Variants in CEBPZOS observed in about 807,000 individuals in gnomAD.
CEBPZOS encodes the protein CEBPZ opposite strand.
In CEBPZOS, 10 loss-of-function variants were observed where a neutral mutation model predicts 4.8. That is an observed-to-expected ratio of 2.07 (90% CI 1.28 to 3.52). The LOEUF is 3.52. Among genes scored for constraint, CEBPZOS ranks in the 30% most tolerant of loss-of-function variants. The pLI is 0.00. For missense variants in CEBPZOS, 98 were observed against 43.6 expected (o/e 2.25, Z -3.51); for synonymous variants, 25 against 14.2 (o/e 1.77, Z -1.72).
rs1229827939 is a variant in CEBPZOS at position 37,199,702 on chromosome 2, A to C, written c.-1-2A>C. 1.4e-6 allele frequency: 1 copy of C among 716,346 alleles called. No homozygotes were observed. Among genetic ancestry groups the C allele is most frequent in the Admixed American group, 2.0e-5 (1 of 49,706 alleles). The allele number at this position is 716,346 out of a possible 1,614,324, so 44.4% of individuals were successfully genotyped here. On this transcript the variant is annotated splice_acceptor_variant, in intron 1 of 4. Transcript: ENST00000402297. LOFTEE classifies it low-confidence loss of function (5UTR_SPLICE). Reference sequence around the variant, plus strand: ...TTTACACATATCTGTTGTTAAATTTAGGATGGCCCGTACTTTGGAACCACT... The same window carrying C: ...TTTACACATATCTGTTGTTAAATTTCGGATGGCCCGTACTTTGGAACCACT...
chr2:37,202,582 T>C lies in CEBPZOS; in HGVS notation c.*722T>C, dbSNP rs367610537. On this transcript the variant is annotated 3_prime_UTR_variant, in exon 5 of 5. Transcript: ENST00000402297. ...ATTACTTGAACATGGGAGATGGAGGTTGCAGTGAGCCAAGATCATGCCACT... is the reference window on the plus strand; with the variant it reads ...ATTACTTGAACATGGGAGATGGAGGCTGCAGTGAGCCAAGATCATGCCACT... The C allele has an allele frequency of 2.9e-4, 110 of 385,116 alleles. 2 individuals carry two copies. In the East Asian group the frequency reaches 4.1e-3, roughly 14 times the overall value. 23.9% of individuals were successfully genotyped at this position (385,116 alleles called of 1,614,324 possible). A position where few individuals can be genotyped will look rare whatever the true frequency, so the allele number is the denominator to read the frequency against.
downstream of CEBPZOS, among the ~76,000 whole-genome samples, chr2:37,208,704 T>C (rs1330996133): frequency 2.0e-5 from 3 of 152,028 alleles, no homozygotes; most frequent in Non-Finnish European, 4.4e-5. Flanking sequence ...CAGGGAAAAG[T>C]TGAAAGCATT....
Position 37,203,098 on chromosome 2 carries a change from T to C in CEBPZOS, c.*1238T>C, listed in dbSNP as rs924608763. 9 of 862,936 alleles carry C rather than the reference T, an allele frequency of 1.0e-5. No homozygotes were observed. The highest frequency in any genetic ancestry group is 1.6e-5 in the Non-Finnish European group (9 of 579,522). The allele number at this position is 862,936 out of a possible 1,614,324, so 53.5% of individuals were successfully genotyped here. Reference sequence around the variant, plus strand: ...CAACATGATTTTATTTTAAAAATTATACTTGGGTAAAAACAATTGCAATAA... The same window carrying C: ...CAACATGATTTTATTTTAAAAATTACACTTGGGTAAAAACAATTGCAATAA... On this transcript the variant is annotated 3_prime_UTR_variant, in exon 5 of 5. Transcript: ENST00000402297.
chr2:37,198,713 G>A (rs565371589), intron 1 of CEBPZOS: 4 of 152,164 alleles, frequency 2.6e-5, no homozygotes, highest in Non-Finnish European at 4.4e-5. Context: ...TCTTTAATTT[G>A]AAAAAGAATA....
chr2:37,209,322 A>G (rs1184500564), downstream of CEBPZOS: 1 of 152,218 alleles, frequency 6.6e-6, no homozygotes, highest in African/African-American at 2.4e-5. Context: ...ACAAAATAAG[A>G]GCCTGCATAG....
At position 37,209,980 on chromosome 2, in the gene CEBPZOS, C is replaced by A. The variant is rs538082001; in HGVS notation, c.*3-3457C>A. ...AAAGTGTGTTAAGGATATGAACAGA[C>A]AATTCTCAAAAGATATACAAATGGT... On this transcript the variant is annotated intron_variant, in intron 4 of 4. Transcript: ENST00000397064. The A allele has an allele frequency of 2.0e-5, 3 of 152,174 alleles. No individual in the cohort carries two copies. In the East Asian group the frequency reaches 5.8e-4, roughly 29 times the overall value. 9.4% of individuals were successfully genotyped at this position (152,174 alleles called of 1,614,324 possible). A position where few individuals can be genotyped will look rare whatever the true frequency, so the allele number is the denominator to read the frequency against.
downstream of CEBPZOS, among the ~76,000 whole-genome samples, chr2:37,205,847 TAATACTTTTA>T (rs1382697833): frequency 6.6e-6 from 1 of 152,182 alleles, no homozygotes; most frequent in Non-Finnish European, 1.5e-5. Flanking sequence ...TCTTGTAAGA[TAATACTTTTA>T]AAAATGTTAA....
downstream of CEBPZOS, among the ~76,000 whole-genome samples, chr2:37,207,215 A>T (rs370724325): frequency 5.3e-5 from 8 of 152,362 alleles, no homozygotes; most frequent in East Asian, 3.9e-4. Context: ...GGTGACTTCA[A>T]TACTCCACTG....
downstream of CEBPZOS, chr2:37,215,654 TACA>T (rs1226773489): frequency 2.6e-5 from 4 of 153,450 alleles, no homozygotes; most frequent in African/African-American, 7.2e-5. Flanking sequence ...CTGCTTTGAA[TACA>T]ACAACAGACT....
At chr2:37,196,729 TGCC>T (rs1276883951) in intron 1 of CEBPZOS, 2 of 149,730 alleles carry the variant, frequency 1.3e-5, no homozygotes, top group East Asian at 3.9e-4. Flanking sequence ...GCTCCGTGCG[TGCC>T]CGCGCGTGTC....
At chr2:37,209,478 G>A (rs943516793), downstream of CEBPZOS, 2 of 152,156 alleles carry the variant, frequency 1.3e-5, no homozygotes, top group African/African-American at 4.8e-5. Flanking sequence ...AGAGAACCCA[G>A]AAATAAAGCC....
At chr2:37,201,783 GTTT>G (rs148813970) in intron 4 of CEBPZOS, 57 bp downstream of exon 4, 69,149 of 1,485,222 alleles carry the variant, frequency 0.047, 1,794 homozygotes, top group Non-Finnish European at 0.053. Flanking sequence ...TTGTTTTTTA[GTTT>G]TTTGAGTGGT....
intron 4 of CEBPZOS, chr2:37,212,618 G>A (rs571869649): frequency 1.7e-4 from 90 of 531,342 alleles, no homozygotes; most frequent in East Asian, 9.4e-4. Context: ...AGTTAATTTC[G>A]GCTCTTTCTA....
rs1449542285 is a variant in CEBPZOS at position 37,201,496 on chromosome 2, C to T, written c.161-146C>T. On this transcript the variant is annotated intron_variant, in intron 3 of 4. Transcript: ENST00000402297. ...ATTACAATGATCAGAGATGCCAGGA[C>T]TTATATGTGAAGTCTGTAATCCTAC... is the stretch of plus-strand genomic sequence containing the variant. 1.5e-5 allele frequency: 9 copies of T among 590,004 alleles called. No homozygotes were observed. The East Asian group carries it at 1.7e-4, about 11-fold the overall frequency. 36.5% of individuals were successfully genotyped at this position (590,004 alleles called of 1,614,324 possible).
At chr2:37,198,263 A>G (rs1677046332) in intron 1 of CEBPZOS, among the ~76,000 whole-genome samples, 1 of 152,202 alleles carries the variant, frequency 6.6e-6, no homozygotes, top group Admixed American at 6.5e-5. Flanking sequence ...GGAGCAAAAC[A>G]ACTGTCCCTT....
At chr2:37,215,022 C>A, downstream of CEBPZOS, 1 of 938,480 alleles carries the variant, frequency 1.1e-6, no homozygotes, top group Non-Finnish European at 1.7e-6. Context: ...GCTCTTAAGA[C>A]AAAATACAGC....
intron 1 of CEBPZOS, among the ~76,000 whole-genome samples, chr2:37,198,268 TC>T (rs1386278251): frequency 3.3e-5 from 5 of 152,202 alleles, no homozygotes; most frequent in Admixed American, 3.3e-4. Flanking sequence ...AAAACAACTG[TC>T]CCTTCCCACC....
In CEBPZOS at chr2:37,199,684, A is replaced by AT; in HGVS notation, c.-1-19dup. 1 of 714,900 alleles carries AT rather than the reference A, an allele frequency of 1.4e-6. No individual in the cohort carries two copies. The highest frequency in any genetic ancestry group is 2.6e-6 in the Non-Finnish European group (1 of 383,916). 44.3% of individuals were successfully genotyped at this position (714,900 alleles called of 1,614,324 possible). On this transcript the variant is annotated intron_variant, in intron 1 of 4. Coordinates refer to ENST00000402297, the MANE Select transcript of CEBPZOS (RefSeq NM_001322374.2). ...TAAGTATGTTCATTCAGGTTTACAC[A>AT]TATCTGTTGTTAAATTTAGGATGGC...
At position 37,202,821 on chromosome 2, in the gene CEBPZOS, G is replaced by A. The variant is rs761385830; in HGVS notation, c.*961G>A. ...TGTTAGCCATGGCATTCATGCCAATGTTATCAAACTTGGATCCCATATTTT... is the reference window on the plus strand; with the variant it reads ...TGTTAGCCATGGCATTCATGCCAATATTATCAAACTTGGATCCCATATTTT... On this transcript the variant is annotated 3_prime_UTR_variant, in exon 5 of 5. Transcript: ENST00000402297. 1 of 1,599,226 alleles carries A rather than the reference G, an allele frequency of 6.3e-7. No individual in the cohort carries two copies. The highest frequency in any genetic ancestry group is 8.5e-7 in the Non-Finnish European group (1 of 1,173,354).
Sources: gnomAD v4.1 joint callset for allele counts (sites outside exome capture counted in the v4.1 genomes callset) on GRCh38, gnomAD v4.1.1 for gene constraint, MANE v1.5 for transcripts, NCBI Gene and HGNC (gene_info 2026-07-23, HGNC 2026-07-21) for gene names.